PALLD: variants seen among roughly 807,000 people sequenced by gnomAD.
The protein encoded by PALLD is palladin, cytoskeletal associated protein.
In PALLD, 61 loss-of-function variants were observed where a neutral mutation model predicts 123.5. The ratio of observed to expected loss-of-function variants is 0.49; its 90% confidence interval spans 0.40 to 0.61. The LOEUF (loss-of-function observed/expected upper bound fraction) is 0.61. Ranked by LOEUF, PALLD falls within the 20% of genes least tolerant of loss-of-function variation. PALLD has a pLI of 0.00. For missense variants in PALLD, 1,273 were observed against 1,377.0 expected (o/e 0.92, Z 1.20); for synonymous variants, 465 against 496.4 (o/e 0.94, Z 0.84).
intron 11 of PALLD, chr4:168,894,315 G>T: frequency 2.1e-6 from 1 of 483,600 alleles, no homozygotes; most frequent in Non-Finnish European, 3.8e-6. Context: ...TTTCTGTGTG[G>T]TTTCTTCCTT....
At chr4:168,727,042 C>T (rs1186329122) in intron 10 of PALLD, among the ~76,000 whole-genome samples, 1 of 152,170 alleles carries the variant, frequency 6.6e-6, no homozygotes, top group Non-Finnish European at 1.5e-5. Flanking sequence ...CACATTACTG[C>T]AAAGTACATG....
intron 3 of PALLD, among the ~76,000 whole-genome samples, chr4:168,671,232 A>C (rs896668209): frequency 4.6e-5 from 7 of 152,248 alleles, no homozygotes; most frequent in Middle Eastern, 3.4e-3. Context: ...CACCATACTG[A>C]TCTTTAACTT....
intron 10 of PALLD, 117 bp downstream of exon 10, chr4:168,712,040 G>A: frequency 1.3e-6 from 1 of 776,890 alleles, no homozygotes; most frequent in Admixed American, 2.0e-5. Context: ...TTGACTCATG[G>A]GACCTTGCTG....
chr4:168,852,186 T>C (rs568165948), intron 10 of PALLD, among the ~76,000 whole-genome samples: 6 of 152,232 alleles, frequency 3.9e-5, no homozygotes, highest in African/African-American at 1.4e-4. Flanking sequence ...GCTCAATATA[T>C]TAAACTAGAT....
chr4:168,705,508 A>G (rs148032265), intron 8 of PALLD, among the ~76,000 whole-genome samples: 44 of 152,342 alleles, frequency 2.9e-4, no homozygotes, highest in African/African-American at 9.6e-4. Flanking sequence ...CTCTTGCTGC[A>G]ATTAGGAACC....
intron 10 of PALLD, among the ~76,000 whole-genome samples, chr4:168,771,693 C>G (rs72701828): frequency 0.15 from 22,565 of 150,690 alleles, 2,082 homozygotes; most frequent in Non-Finnish European, 0.21. Flanking sequence ...TCAGCCATCA[C>G]CCCCCAAACA....
chr4:168,547,330 G>A (rs1766233349), intron 2 of PALLD, among the ~76,000 whole-genome samples: 1 of 151,950 alleles, frequency 6.6e-6, no homozygotes, highest in Non-Finnish European at 1.5e-5. Flanking sequence ...ACCAAGTGGG[G>A]AGTGTGTGGG....
At chr4:168,894,277 T>C (rs2086788936) in intron 11 of PALLD, 2 of 388,350 alleles carry the variant, frequency 5.1e-6, no homozygotes, top group Non-Finnish European at 9.5e-6. Flanking sequence ...TTTTTTTCCA[T>C]GTTTTTCATT....
Position 168,668,352 on chromosome 4 carries a change from T to C in PALLD, c.1071T>C (p.Ala357=). The C allele has an allele frequency of 1.9e-6, 3 of 1,607,420 alleles. No homozygotes were observed. Among genetic ancestry groups the C allele is most frequent in the Non-Finnish European group, 2.6e-6 (3 of 1,175,560 alleles). Residue 357 remains alanine (A), a synonymous_variant, in exon 3 of 22, where the codon GCT becomes GCC. Transcript: ENST00000505667. Reference sequence around the variant, plus strand: ...CCAGCGGCTCAGACACAACATCTGCTGAGGTGTTCATTGAAGGTAAGGAGG... The same window carrying C: ...CCAGCGGCTCAGACACAACATCTGCCGAGGTGTTCATTGAAGGTAAGGAGG... ...TNPSGSDTTS[A]EVFIEGASST... is the part of the protein sequence containing the mutation.
chr4:168,598,577 A>G, intron 2 of PALLD: 1 of 331,266 alleles, frequency 3.0e-6, no homozygotes. Flanking sequence ...GTTGAAATGA[A>G]AAACTGTCCC....
chr4:168,643,811 G>A (rs1580732052), intron 2 of PALLD, among the ~76,000 whole-genome samples: 2 of 152,240 alleles, frequency 1.3e-5, no homozygotes, highest in Admixed American at 1.3e-4. Flanking sequence ...CTCTTGACAT[G>A]TTTTTTCTCC....
intron 2 of PALLD, among the ~76,000 whole-genome samples, chr4:168,646,796 A>T (rs547434093): frequency 6.6e-6 from 1 of 152,364 alleles, no homozygotes; most frequent in African/African-American, 2.4e-5. Flanking sequence ...TTAGAAGATG[A>T]GGATAGTGTC....
chr4:168,864,242 G>GTT (rs1413388829), intron 10 of PALLD: 2 of 152,206 alleles, frequency 1.3e-5, no homozygotes, highest in Admixed American at 6.5e-5. Context: ...AGTAACCCTT[G>GTT]TTGGAACCTG....
intron 10 of PALLD, among the ~76,000 whole-genome samples, chr4:168,787,173 T>C (rs376544996): frequency 6.6e-6 from 1 of 152,212 alleles, no homozygotes; most frequent in Non-Finnish European, 1.5e-5. Flanking sequence ...GTCTGCTAAT[T>C]CATTCGTGAA....
At chr4:168,864,893 A>G (rs1750040065) in intron 10 of PALLD, among the ~76,000 whole-genome samples, 2 of 152,266 alleles carry the variant, frequency 1.3e-5, no homozygotes, top group African/African-American at 4.8e-5. Flanking sequence ...CGCCAGATGA[A>G]TAACTGTTGA....
At chr4:168,633,778 G>C (rs1053291406) in intron 2 of PALLD, among the ~76,000 whole-genome samples, 1 of 152,100 alleles carries the variant, frequency 6.6e-6, no homozygotes, top group Non-Finnish European at 1.5e-5. Context: ...GTAAGATGAT[G>C]TTTACTCTGT....
intron 14 of PALLD, 77 bp from the exon 15 acceptor site, chr4:168,903,680 C>T (rs192019908): frequency 4.2e-6 from 5 of 1,200,768 alleles, no homozygotes; most frequent in Non-Finnish European, 6.2e-6. Flanking sequence ...GCAAACCACA[C>T]TGTTACTATT....
At position 168,844,898 on chromosome 4, in the gene PALLD, C is replaced by T. The variant is rs1561591962; in HGVS notation, c.1965-46024C>T. On this transcript the variant is annotated intron_variant, in intron 10 of 21. Transcript: ENST00000505667. The surrounding 1 kb of genome is among the most constrained non-coding windows in gnomAD (Gnocchi z 4.5). The stretch of plus-strand genomic sequence containing the variant: ...GGGTTAGGCTCGGAAGGGAGGGGCC[C>T]AGATGCAGAATGAATTGATTAGTTC... Among the ~76,000 whole-genome samples the T allele has an allele frequency of 6.6e-6, 1 of 152,112 alleles. No individual in the cohort carries two copies.
In PALLD at chr4:168,575,388, A is replaced by T. The variant is rs181622088; in HGVS notation, c.908+62976A>T. 3.2e-4 allele frequency among the ~76,000 whole-genome samples: 48 copies of T among 152,016 alleles called. 1 individual carries two copies. The highest frequency in any genetic ancestry group is 3.1e-3 in the Admixed American group (48 of 15,264). ...CAGGTGAGAGAGTGTATGTAGGAGGATCTGTCAAACACTTATAAAACCATC... is the reference window on the plus strand; with the variant it reads ...CAGGTGAGAGAGTGTATGTAGGAGGTTCTGTCAAACACTTATAAAACCATC... On this transcript the variant is annotated intron_variant, in intron 2 of 21. Coordinates refer to ENST00000505667, the MANE Select transcript of PALLD (RefSeq NM_001166108.2).
Sources: gnomAD v4.1 joint callset for allele counts (sites outside exome capture counted in the v4.1 genomes callset) on GRCh38, gnomAD v4.1.1 for gene constraint, Gnocchi (gnomAD v3.1) non-coding constraint, MANE v1.5 for transcripts, NCBI Gene and HGNC (gene_info 2026-07-23, HGNC 2026-07-21) for gene names.